RANBP2: variants seen among roughly 807,000 people sequenced by gnomAD.
RANBP2 encodes the protein RAN binding protein 2.
Under a neutral mutation model 303.6 loss-of-function variants are expected in RANBP2, and 57 were observed. The ratio of observed to expected loss-of-function variants is 0.19; its 90% CI spans 0.15 to 0.23. The LOEUF is 0.23. RANBP2 is among the 10% of genes least tolerant of loss of function. RANBP2 has a pLI of 1.00. For missense variants in RANBP2, 3,138 were observed against 3,780.8 expected (o/e 0.83, Z 4.46); for synonymous variants, 1,167 against 1,301.5 (o/e 0.90, Z 2.23).
the RANBP2 span, among the ~76,000 whole-genome samples, chr2:109,059,080 C>G: frequency 1.3e-5 from 2 of 152,016 alleles, no homozygotes; most frequent in African/African-American, 4.8e-5. Flanking sequence ...CACCTCCGGG[C>G]CTTATCGTTC....
At chr2:109,492,255 T>G in the RANBP2 span, among the ~76,000 whole-genome samples, 1 of 152,184 alleles carries the variant, frequency 6.6e-6, no homozygotes, top group Non-Finnish European at 1.5e-5. Context: ...GTGACAACAT[T>G]CACAGCTCTA....
At chr2:108,754,082 T>C (rs2149235897) in intron 15 of RANBP2, 111 bp downstream of exon 15, 2 of 1,606,018 alleles carry the variant, frequency 1.2e-6, no homozygotes, top group East Asian at 2.2e-5. Context: ...TATGTTGTTA[T>C]TAATGCACAG....
the RANBP2 span, among the ~76,000 whole-genome samples, chr2:108,829,449 G>A: frequency 1.3e-5 from 2 of 151,980 alleles, no homozygotes; most frequent in Non-Finnish European, 2.9e-5. Context: ...ACACCTATTA[G>A]AATGTTTATT....
At chr2:109,547,059 T>G in the RANBP2 span, among the ~76,000 whole-genome samples, 6 of 152,250 alleles carry the variant, frequency 3.9e-5, 1 homozygote, top group African/African-American at 1.4e-4. Flanking sequence ...TCCAGCCCCC[T>G]TCCCCAACCA....
chr2:109,149,146 A>G, the RANBP2 span, among the ~76,000 whole-genome samples: 1 of 152,128 alleles, frequency 6.6e-6, no homozygotes, highest in Non-Finnish European at 1.5e-5. Context: ...AGACTGGCCT[A>G]GGAGCTCACA....
chr2:108,811,245 C>CTTTTTTTTTTTTTTTTT, the RANBP2 span, among the ~76,000 whole-genome samples: 3 of 109,628 alleles, frequency 2.7e-5, no homozygotes, highest in African/African-American at 1.3e-4. Context: ...CTTTCTCTCT[C>CTTTTTTTTTTTTTTTTT]TCTTTTTTTT....
the RANBP2 span, among the ~76,000 whole-genome samples, chr2:109,240,768 T>C: frequency 2.0e-5 from 3 of 148,988 alleles, no homozygotes; most frequent in Admixed American, 2.0e-4. Context: ...CCTCCTGTCG[T>C]CCTTCTCCTC....
At chr2:108,964,022 G>A in the RANBP2 span, among the ~76,000 whole-genome samples, 1 of 152,154 alleles carries the variant, frequency 6.6e-6, no homozygotes, top group Admixed American at 6.5e-5. Flanking sequence ...TGGCCTCTGT[G>A]GCTGCTGAGC....
the RANBP2 span, among the ~76,000 whole-genome samples, chr2:109,648,779 G>C: frequency 1.3e-5 from 2 of 151,096 alleles, no homozygotes; most frequent in Non-Finnish European, 2.9e-5. Flanking sequence ...TCAGCCTCCC[G>C]AGTAGCTGGG....
intron 1 of RANBP2, among the ~76,000 whole-genome samples, chr2:108,724,797 CATT>C (rs1335704400): frequency 6.6e-6 from 1 of 151,760 alleles, no homozygotes; most frequent in African/African-American, 2.4e-5. Flanking sequence ...GACTTTTCCT[CATT>C]GTCCTGTATA....
the RANBP2 span, among the ~76,000 whole-genome samples, chr2:109,160,386 G>T: frequency 2.6e-5 from 4 of 152,220 alleles, no homozygotes; most frequent in East Asian, 1.9e-4. Context: ...AGCAGGGCAG[G>T]GCTAAAGTTG....
chr2:109,433,391 G>A, the RANBP2 span, among the ~76,000 whole-genome samples: 1 of 152,230 alleles, frequency 6.6e-6, no homozygotes, highest in African/African-American at 2.4e-5. Flanking sequence ...AATAGAATAT[G>A]TAATTTTAGA....
the RANBP2 span, among the ~76,000 whole-genome samples, chr2:108,808,872 C>T: frequency 6.6e-6 from 1 of 152,190 alleles, no homozygotes; most frequent in African/African-American, 2.4e-5. Flanking sequence ...CTTTTGAGGT[C>T]TTATCCATAG....
the RANBP2 span, among the ~76,000 whole-genome samples, chr2:109,186,552 A>T: frequency 6.6e-6 from 1 of 152,236 alleles, no homozygotes; most frequent in Non-Finnish European, 1.5e-5. Context: ...TGTTTTTGAC[A>T]TTTCCAGCAA....
chr2:109,718,095 A>G, the RANBP2 span, among the ~76,000 whole-genome samples: 1 of 152,224 alleles, frequency 6.6e-6, no homozygotes, highest in Non-Finnish European at 1.5e-5. Flanking sequence ...GAATGCAGAG[A>G]AACTGGAACC....
At chr2:109,227,590 G>A in the RANBP2 span, among the ~76,000 whole-genome samples, 1 of 152,306 alleles carries the variant, frequency 6.6e-6, no homozygotes, top group African/African-American at 2.4e-5. Flanking sequence ...TGGCTCTTGG[G>A]ATTGTCTGTG....
the RANBP2 span, among the ~76,000 whole-genome samples, chr2:109,484,614 C>G: frequency 6.6e-6 from 1 of 152,228 alleles, no homozygotes; most frequent in African/African-American, 2.4e-5. Flanking sequence ...TCCATCATAT[C>G]TAGTACCATT....
the RANBP2 span, among the ~76,000 whole-genome samples, chr2:109,292,662 C>G: frequency 6.6e-6 from 1 of 152,182 alleles, no homozygotes; most frequent in African/African-American, 2.4e-5. Flanking sequence ...AGAAAAGCGT[C>G]TTTTTGGGAT....
chr2:109,278,569 A>G, the RANBP2 span, among the ~76,000 whole-genome samples: 1 of 152,336 alleles, frequency 6.6e-6, no homozygotes, highest in South Asian at 2.1e-4. Flanking sequence ...CTGCATAGCA[A>G]TGTATCCCAG....
Sources: gnomAD v4.1 joint callset for allele counts (sites outside exome capture counted in the v4.1 genomes callset) on GRCh38, gnomAD v4.1.1 for gene constraint, MANE v1.5 for transcripts, NCBI Gene and HGNC (gene_info 2026-07-23, HGNC 2026-07-21) for gene names.